MRE11: variants seen among roughly 807,000 people sequenced by gnomAD.
The protein encoded by MRE11 is double-strand break repair protein MRE11.
In MRE11, 62 loss-of-function variants were observed where a neutral mutation model predicts 91.7. The observed-to-expected ratio is 0.68, with a 90% CI of 0.55 to 0.84. The LOEUF is 0.84. Ranked by LOEUF, MRE11 falls within the 40% of genes least tolerant of loss-of-function variation. The pLI, the probability that MRE11 is intolerant of heterozygous loss-of-function variation, is 0.00. For missense variants in MRE11, 796 were observed against 852.9 expected (o/e 0.93, Z 0.83); for synonymous variants, 273 against 271.4 (o/e 1.01, Z -0.06).
chr11:94,449,366 G>A (rs1380796691), intron 14 of MRE11, among the ~76,000 whole-genome samples: 1 of 152,214 alleles, frequency 6.6e-6, no homozygotes, highest in Admixed American at 6.5e-5. Flanking sequence ...TGTCCCACAT[G>A]AAATACAGTT....
At chr11:94,496,641 A>T (rs188168370), upstream of MRE11, 28 of 1,456,066 alleles carry the variant, frequency 1.9e-5, no homozygotes, top group South Asian at 6.9e-5. Context: ...CATCTCTAGA[A>T]AGATTTATAT....
chr11:94,436,538 A>T (rs1039314542), intron 17 of MRE11, among the ~76,000 whole-genome samples: 1 of 152,240 alleles, frequency 6.6e-6, no homozygotes, highest in Non-Finnish European at 1.5e-5. Flanking sequence ...AATGCATAGG[A>T]CAACCCTTCA....
At position 94,435,877 on chromosome 11, in the gene MRE11, T is replaced by G; in HGVS notation, c.1949A>C (p.Asp650Ala). 6.2e-7 allele frequency: 1 copy of G among 1,613,952 alleles called. No homozygotes were observed. Among genetic ancestry groups the G allele is most frequent in the Non-Finnish European group, 8.5e-7 (1 of 1,179,954 alleles). The change falls in exon 18 of 20, where the codon GAT (aspartate) becomes GCT (alanine). Residue 650 changes from aspartate (D) to alanine (A), a missense_variant. Transcript: ENST00000323929. ...YSEVIEVDES[D>A]VEEDIFPTTS... ...GGTAGGAAAAATGTCTTCTTCCACATCTGATTCATCTACCTCAATCACCTG... is the reference window on the plus strand; with the variant it reads ...GGTAGGAAAAATGTCTTCTTCCACAGCTGATTCATCTACCTCAATCACCTG...
intron 7 of MRE11, 114 bp from the exon 8 acceptor site, chr11:94,471,873 T>C: frequency 2.4e-6 from 2 of 833,958 alleles, no homozygotes; most frequent in Non-Finnish European, 3.8e-6. Flanking sequence ...CATCCTTCTA[T>C]GTACCAGAAA....
chr11:94,447,187 T>C, intron 15 of MRE11, 32 bp downstream of exon 15: 1 of 1,595,060 alleles, frequency 6.3e-7, no homozygotes, highest in Non-Finnish European at 8.6e-7. Context: ...CTGCCAAGTG[T>C]GAATGTGCAC....
At chr11:94,465,375 C>G (rs1401155452) in intron 10 of MRE11, among the ~76,000 whole-genome samples, 1 of 150,882 alleles carries the variant, frequency 6.6e-6, no homozygotes, top group East Asian at 1.9e-4. Flanking sequence ...TTGTATTACC[C>G]AGACCATCTC....
At chr11:94,468,314 A>C (rs1295298224) in intron 9 of MRE11, among the ~76,000 whole-genome samples, 2 of 152,354 alleles carry the variant, frequency 1.3e-5, no homozygotes, top group South Asian at 2.1e-4. Context: ...AAAGAAAATA[A>C]GACTGATGTT....
intron 14 of MRE11, 57 bp downstream of exon 14, chr11:94,456,219 T>C (rs1946244517): frequency 1.3e-6 from 2 of 1,502,290 alleles, no homozygotes; most frequent in Non-Finnish European, 9.2e-7. Context: ...AACCTACTGG[T>C]TATTCTAGTT....
the MRE11 span, among the ~76,000 whole-genome samples, chr11:94,504,346 A>G: frequency 6.6e-6 from 1 of 152,156 alleles, no homozygotes; most frequent in Non-Finnish European, 1.5e-5. Context: ...CTCATCCTCA[A>G]ATTCTAGGGA....
Position 94,464,094 on chromosome 11 carries a change from A to ATTTTTATGAGG in MRE11, c.1225+18_1225+19insCCTCATAAAAA. On this transcript the variant is annotated intron_variant, in intron 11 of 19. Coordinates refer to ENST00000323929, the MANE Select transcript of MRE11 (RefSeq NM_005591.4). ...TCCTATAAGAACATTTTTTTACCTC[A>ATTTTTATGAGG]TAAAAATAACTAGCTTACCTGTTTT... 1 of 1,609,462 alleles carries ATTTTTATGAGG rather than the reference A, an allele frequency of 6.2e-7. No homozygotes were observed. The highest frequency in any genetic ancestry group is 8.5e-7 in the Non-Finnish European group (1 of 1,177,580).
intron 15 of MRE11, among the ~76,000 whole-genome samples, chr11:94,446,364 A>G (rs959500342): frequency 2.6e-5 from 4 of 152,146 alleles, no homozygotes; most frequent in African/African-American, 9.7e-5. Flanking sequence ...CTGAAATCGC[A>G]CCATTGCACT....
chr11:94,486,668 C>A (rs531808845), intron 3 of MRE11, among the ~76,000 whole-genome samples: 1 of 152,108 alleles, frequency 6.6e-6, no homozygotes, highest in Non-Finnish European at 1.5e-5. Flanking sequence ...CTGGGGTGCA[C>A]TAGAATGGAC....
At chr11:94,436,192 TTA>T (rs1222125513) in intron 17 of MRE11, among the ~76,000 whole-genome samples, 3 of 152,166 alleles carry the variant, frequency 2.0e-5, no homozygotes, top group Non-Finnish European at 4.4e-5. Flanking sequence ...TATGCAGACC[TTA>T]TGACTTTCCT....
At position 94,471,762 on chromosome 11, in the gene MRE11, G is replaced by A. The variant is rs774509741; in HGVS notation, c.660-3C>T. 2 of 1,607,622 alleles carry A rather than the reference G, an allele frequency of 1.2e-6. No homozygotes were observed. The highest frequency in any genetic ancestry group is 1.1e-5 in the South Asian group (1 of 90,658). ...AGTTAGTACTTCCATGTTTACTCCTGTATCAAGATTTTGAAAAATATAAAT... is the reference window on the plus strand; with the variant it reads ...AGTTAGTACTTCCATGTTTACTCCTATATCAAGATTTTGAAAAATATAAAT... On this transcript the variant is annotated splice_region_variant and splice_polypyrimidine_tract_variant and intron_variant, in intron 7 of 19. Coordinates refer to ENST00000323929, the MANE Select transcript of MRE11 (RefSeq NM_005591.4).
intron 6 of MRE11, among the ~76,000 whole-genome samples, chr11:94,477,361 T>C (rs1488998129): frequency 1.3e-5 from 2 of 152,220 alleles, no homozygotes; most frequent in Non-Finnish European, 2.9e-5. Flanking sequence ...AGGTTCACCT[T>C]GATCTAGTGA....
chr11:94,500,898 C>T, the MRE11 span, among the ~76,000 whole-genome samples: 2 of 152,122 alleles, frequency 1.3e-5, no homozygotes, highest in Non-Finnish European at 2.9e-5. Flanking sequence ...ATTTATGTCC[C>T]ATACCAAAAT....
At chr11:94,459,688 T>G in intron 12 of MRE11, 107 bp from the exon 13 acceptor site, 1 of 1,208,018 alleles carries the variant, frequency 8.3e-7, no homozygotes, top group Non-Finnish European at 1.2e-6. Context: ...AAAAATATAG[T>G]GAACAGCTGT....
At chr11:94,435,089 G>T (rs1486375337) in intron 18 of MRE11, among the ~76,000 whole-genome samples, 1 of 152,202 alleles carries the variant, frequency 6.6e-6, no homozygotes, top group African/African-American at 2.4e-5. Context: ...GGAAGAGCAT[G>T]CAAGTCCTCT....
chr11:94,509,860 G>A, the MRE11 span, among the ~76,000 whole-genome samples: 1 of 152,178 alleles, frequency 6.6e-6, no homozygotes, highest in Non-Finnish European at 1.5e-5. Flanking sequence ...TTCCTGCAAT[G>A]ATCAAAACTT....
Sources: gnomAD v4.1 joint callset for allele counts (sites outside exome capture counted in the v4.1 genomes callset) on GRCh38, gnomAD v4.1.1 for gene constraint, MANE v1.5 for transcripts, NCBI Gene and HGNC (gene_info 2026-07-23, HGNC 2026-07-21) for gene names.